CPZ: variants seen among roughly 807,000 people sequenced by gnomAD.
CPZ encodes VEZT/CPZ fusion.
CPZ carries 103 observed loss-of-function variants against 61.8 expected under a neutral mutation model. The ratio of observed to expected loss-of-function variants is 1.67; its 90% CI spans 1.42 to 1.96. The LOEUF is 1.96. Ranked by LOEUF, CPZ falls within the 30% of genes most tolerant of loss-of-function variation. The pLI, the probability that CPZ is intolerant of heterozygous loss-of-function variation, is 0.00. For missense variants in CPZ, 1,461 were observed against 914.9 expected (o/e 1.60, Z -7.70); for synonymous variants, 551 against 373.7 (o/e 1.47, Z -5.47).
chr4:8,601,349 A>T lies in CPZ; in HGVS notation c.348A>T (p.Arg116Ser). 1 of 1,603,556 alleles carries T rather than the reference A, an allele frequency of 6.2e-7. No individual in the cohort carries two copies. The highest frequency in any genetic ancestry group is 8.5e-7 in the Non-Finnish European group (1 of 1,173,142). ...APRCEGGWVRRPCRHICEGLR... is the reference protein window; with the variant it reads ...APRCEGGWVRSPCRHICEGLR... ...GGTGTGAGGGCGGCTGGGTGCGCAG[A>T]CCCTGCCGGCACATCTGCGAGGGCC... The change falls in exon 3 of 11, where the codon AGA becomes AGT. Residue 116 changes from arginine (R) to serine (S), a missense_variant. Transcript: ENST00000360986.
At chr4:8,616,059 A>G (rs1716132471) in intron 9 of CPZ, among the ~76,000 whole-genome samples, 2 of 152,138 alleles carry the variant, frequency 1.3e-5, no homozygotes, top group African/African-American at 4.8e-5. Context: ...TGTGGCTGGC[A>G]TTGCTCCTGG....
At chr4:8,599,912 C>G in intron 2 of CPZ, 1 of 202,070 alleles carries the variant, frequency 4.9e-6, no homozygotes, top group Non-Finnish European at 1.0e-5. Flanking sequence ...CTGAACGAAT[C>G]TTGTGAGATG....
At chr4:8,608,489 G>A (rs1047885717) in intron 7 of CPZ, among the ~76,000 whole-genome samples, 7 of 152,166 alleles carry the variant, frequency 4.6e-5, no homozygotes, top group African/African-American at 1.2e-4. Context: ...TATCAGCCCT[G>A]CCTCACCTGG....
chr4:8,594,871 C>A (rs1255441745), intron 1 of CPZ, among the ~76,000 whole-genome samples: 1 of 151,838 alleles, frequency 6.6e-6, no homozygotes, highest in African/African-American at 2.4e-5. Flanking sequence ...CTCCCGGGTT[C>A]ACGCCATTCT....
chr4:8,602,426 C>T (rs3822202), intron 3 of CPZ: 77,152 of 152,304 alleles, frequency 0.51, 20,151 homozygotes, highest in East Asian at 0.64. Context: ...GGCGTTTCAT[C>T]GCATTTGAAT....
intron 7 of CPZ, among the ~76,000 whole-genome samples, chr4:8,608,817 T>G (rs1039529989): frequency 6.6e-6 from 1 of 152,240 alleles, no homozygotes; most frequent in East Asian, 1.9e-4. Flanking sequence ...ACAGGCCACC[T>G]GGTGCAGAGA....
intron 7 of CPZ, among the ~76,000 whole-genome samples, chr4:8,608,023 C>G (rs958674987): frequency 2.0e-5 from 3 of 152,212 alleles, no homozygotes; most frequent in African/African-American, 7.2e-5. Flanking sequence ...CCCAACCCAC[C>G]CTAACCTTAG....
rs2302573 is a variant in CPZ at position 8,612,140 on chromosome 4, G to C, written c.1341G>C (p.Ala447=). ...AGAGGGGGAGCATCATCAACGGGGC[G>C]GACTGGTACAGCTTCACGGGAGGTG... ...FLKRGSIING[A]DWYSFTGGMS... is the part of the protein sequence containing the mutation. Residue 447 remains alanine, a synonymous_variant, in exon 8 of 11, where the codon GCG becomes GCC. Coordinates refer to ENST00000360986, the MANE Select transcript of CPZ (RefSeq NM_001014447.3). The C allele has an allele frequency of 6.3e-7, 1 of 1,578,424 alleles. No individual in the cohort carries two copies. Among genetic ancestry groups the C allele is most frequent in the Non-Finnish European group, 8.6e-7 (1 of 1,160,824 alleles).
At chr4:8,609,140 T>TCACTTCTCATTAACTCAGC (rs1302242757) in intron 7 of CPZ, among the ~76,000 whole-genome samples, 4 of 47,306 alleles carry the variant, frequency 8.5e-5, no homozygotes, top group African/African-American at 2.9e-4. Flanking sequence ...ACTCATTTAC[T>TCACTTCTCATTAACTCAGC]CATTCACCCA....
In CPZ at chr4:8,601,317, GC is replaced by G. The variant is rs753969942; in HGVS notation, c.322del (p.Arg108GlyfsTer90). The G allele has an allele frequency of 1.2e-6, 2 of 1,609,928 alleles. No homozygotes were observed. Among genetic ancestry groups the G allele is most frequent in the Non-Finnish European group, 1.7e-6 (2 of 1,177,434 alleles). ...DLRLLGCAVL[A>X]PRCEGGWVRR... ...GCGGCTGCTGGGCTGTGCTGTGCTGGCCCCCCGGTGTGAGGGCGGCTGGGTG... is the reference window on the plus strand; with the variant it reads ...GCGGCTGCTGGGCTGTGCTGTGCTGGCCCCCGGTGTGAGGGCGGCTGGGTG... On this transcript the variant is annotated frameshift_variant, in exon 3 of 11. Coordinates refer to ENST00000360986, the MANE Select transcript of CPZ (RefSeq NM_001014447.3). LOFTEE classifies it high-confidence loss of function.
At chr4:8,618,971 A>C (rs1716447439) in intron 10 of CPZ, among the ~76,000 whole-genome samples, 1 of 140,932 alleles carries the variant, frequency 7.1e-6, no homozygotes, top group Non-Finnish European at 1.6e-5. Flanking sequence ...CCTGGCAGAG[A>C]TGTGGTCCAG....
At chr4:8,600,475 G>A (rs899901971) in intron 2 of CPZ, among the ~76,000 whole-genome samples, 15 of 152,354 alleles carry the variant, frequency 9.8e-5, no homozygotes, top group South Asian at 6.2e-4. Context: ...AGCTCCCGAC[G>A]GGGCTGGAGG....
chr4:8,619,378 G>T lies in CPZ; in HGVS notation c.1720G>T (p.Ala574Ser), dbSNP rs763294851. ...KVIIPARMKR[A>S]GRVDFILQPL... ...CATCATCCCCGCCCGGATGAAGAGG[G>T]CTGGCCGTGTGGACTTCATTCTGCA... is the stretch of plus-strand genomic sequence containing the variant. Residue 574 changes from alanine to serine, a missense_variant, in exon 11 of 11, where the codon GCT becomes TCT. Physicochemically the swap from Ala to Ser is moderately conservative, Grantham distance 99 (BLOSUM62 1). Coordinates refer to ENST00000360986, the MANE Select transcript of CPZ (RefSeq NM_001014447.3). 3.7e-6 allele frequency: 6 copies of T among 1,614,094 alleles called. No homozygotes were observed. In the South Asian group the frequency reaches 6.6e-5, roughly 18 times the overall value.
rs982875969 is a variant in CPZ at position 8,592,909 on chromosome 4, C to A, written c.76C>A (p.Arg26=). The part of the protein sequence containing the change: ...AAARPGCEFE[R]NPAGECHRPP... ...TGCCCGGCCGGGGTGCGAGTTTGAGCGGAACCCCGCCGGTAAGGCCGTCCC... is the reference window on the plus strand; with the variant it reads ...TGCCCGGCCGGGGTGCGAGTTTGAGAGGAACCCCGCCGGTAAGGCCGTCCC... Residue 26 remains arginine, a synonymous_variant, in exon 1 of 11, where the codon CGG becomes AGG. Transcript: ENST00000360986. 11 of 1,533,678 alleles carry A rather than the reference C, an allele frequency of 7.2e-6. No homozygotes were observed. The highest frequency in any genetic ancestry group is 8.7e-6 in the Non-Finnish European group (10 of 1,143,654).
rs935583072 is a variant in CPZ, at chr4:8,619,209, G to C, written c.1604-53G>C. The C allele has an allele frequency of 3.4e-6, 5 of 1,486,868 alleles. No homozygotes were observed. In the East Asian group the frequency reaches 7.4e-5, roughly 22 times the overall value. The allele number at this position is 1,486,868 out of a possible 1,614,324, so 92.1% of individuals were successfully genotyped here. Reference sequence around the variant, plus strand: ...ACTCATATCCATCACCCATCACCCCGTGGCTGGGTCTGCAGTCCTCGTGAG... The same window carrying C: ...ACTCATATCCATCACCCATCACCCCCTGGCTGGGTCTGCAGTCCTCGTGAG... On this transcript the variant is annotated intron_variant, in intron 10 of 10. Coordinates refer to ENST00000360986, the MANE Select transcript of CPZ (RefSeq NM_001014447.3).
At chr4:8,617,899 T>C (rs1201560811) in intron 9 of CPZ, among the ~76,000 whole-genome samples, 1 of 151,988 alleles carries the variant, frequency 6.6e-6, no homozygotes, top group African/African-American at 2.4e-5. Flanking sequence ...GCAGGGAGCT[T>C]GTGTGTTCAG....
chr4:8,604,336 G>A lies in CPZ; in HGVS notation c.709+148G>A, dbSNP rs564745664. ...AGCTGCTTGGTGCAGGCCACGTCCC[G>A]CTGGGCATGTGCAACCACTATATGT... On this transcript the variant is annotated intron_variant, in intron 4 of 10. Transcript: ENST00000360986. 43 of 672,560 alleles carry A rather than the reference G, an allele frequency of 6.4e-5. No homozygotes were observed. In the East Asian group the frequency reaches 6.7e-4, roughly 10 times the overall value. 41.7% of individuals were successfully genotyped at this position (672,560 alleles called of 1,614,324 possible).
At chr4:8,612,221 G>GGGGGGGGGGGGGGGGGGGGGGGGGGGGC in intron 8 of CPZ, 59 bp downstream of exon 8, 1 of 206,196 alleles carries the variant, frequency 4.8e-6, no homozygotes, top group Non-Finnish European at 9.7e-6. Context: ...GCTGGGTGGG[G>GGGGGGGGGGGGGGGGGGGGGGGGGGGGC]CAGGGGCAAG....
At chr4:8,611,927 T>A in intron 7 of CPZ, 100 bp from the exon 8 acceptor site, 2 of 1,527,514 alleles carry the variant, frequency 1.3e-6, no homozygotes, top group Non-Finnish European at 1.8e-6. Context: ...CTATCTGCAA[T>A]GCAGGTGTTT....
Sources: gnomAD v4.1 joint callset for allele counts (sites outside exome capture counted in the v4.1 genomes callset) on GRCh38, gnomAD v4.1.1 for gene constraint, MANE v1.5 for transcripts, NCBI Gene and HGNC (gene_info 2026-07-23, HGNC 2026-07-21) for gene names.